The following ZC3H4 variants were observed in gnomAD, a reference collection of about 807,000 sequenced individuals.
The protein encoded by ZC3H4 is zinc finger CCCH domain-containing protein 4.
A neutral mutation model predicts 108.3 loss-of-function variants in ZC3H4; 13 were observed. That is an observed-to-expected ratio of 0.12 (90% CI 0.08 to 0.19). The LOEUF is 0.19. Ranked by LOEUF, ZC3H4 falls within the 10% of genes least tolerant of loss-of-function variation. ZC3H4 has a pLI of 1.00. For synonymous variants in ZC3H4, 917 were observed against 749.6 expected (o/e 1.22, Z -3.65); for missense variants, 1,734 against 1,838.8 (o/e 0.94, Z 1.04).
chr19:47,098,483 T>G (rs2057857476), intron 2 of ZC3H4, among the ~76,000 whole-genome samples: 1 of 82,710 alleles, frequency 1.2e-5, no homozygotes, highest in African/African-American at 3.7e-5. Context: ...TGAAACTGTG[T>G]CTCAAAAAAA....
chr19:47,098,341 T>C (rs1451077814), intron 2 of ZC3H4, among the ~76,000 whole-genome samples: 2 of 151,958 alleles, frequency 1.3e-5, no homozygotes, highest in African/African-American at 4.8e-5. Flanking sequence ...AATACAAAAA[T>C]TAGCTGGGCG....
chr19:47,067,152 T>A lies in ZC3H4; in HGVS notation c.3116A>T (p.Asn1039Ile). The A allele has an allele frequency of 6.2e-7, 1 of 1,611,592 alleles. No homozygotes were observed. The highest frequency in any genetic ancestry group is 8.5e-7 in the Non-Finnish European group (1 of 1,178,806). Residue 1039 changes from asparagine (N) to isoleucine (I), a missense_variant, in exon 15 of 15, where the codon AAC becomes ATC. Physicochemically the swap from Asn to Ile is moderately radical, Grantham distance 149. This residue lies in a region of ZC3H4 where 518 missense variants were observed against 499.6 expected (regional missense o/e 1.04). Transcript: ENST00000253048. The surrounding 1 kb of genome is among the most constrained non-coding windows in gnomAD (Gnocchi z 6.4). ...AGACAGAAGTTCAAAGTCGGGGAGG[T>A]TGGCGCCCTGTGTGCTGGAATCCGT... is the stretch of plus-strand genomic sequence containing the variant. ...ASTDSSTQGA[N>I]LPDFELLSRI...
chr19:47,086,315 A>G (rs2057621611), intron 6 of ZC3H4, 69 bp downstream of exon 6: 4 of 1,591,896 alleles, frequency 2.5e-6, no homozygotes, highest in African/African-American at 1.4e-5. Context: ...AGCCTCTACC[A>G]GCAGTGCTCA....
chr19:47,067,878 G>T lies in ZC3H4; in HGVS notation c.2399-9C>A. The T allele has an allele frequency of 6.3e-7, 1 of 1,577,938 alleles. No homozygotes were observed. Reference sequence around the variant, plus strand: ...CCAGTTTCCGGTGTCACCTGGGAAAGAACAGAGGAGCAGGGAGGGGTGAGT... The same window carrying T: ...CCAGTTTCCGGTGTCACCTGGGAAATAACAGAGGAGCAGGGAGGGGTGAGT... On this transcript the variant is annotated splice_polypyrimidine_tract_variant and intron_variant, in intron 14 of 14. Coordinates refer to ENST00000253048, the MANE Select transcript of ZC3H4 (RefSeq NM_015168.2). The surrounding 1 kb of genome is among the most constrained non-coding windows in gnomAD (Gnocchi z 6.4).
chr19:47,085,982 G>C (rs2057614209), intron 6 of ZC3H4, among the ~76,000 whole-genome samples: 1 of 152,046 alleles, frequency 6.6e-6, no homozygotes, highest in African/African-American at 2.4e-5. Flanking sequence ...TCCTGCCTCA[G>C]ACTCCTGCAT....
chr19:47,069,214 G>T lies in ZC3H4; in HGVS notation c.2276C>A (p.Pro759His). The change falls in exon 14 of 15, where the codon CCT (proline) becomes CAT (histidine). Residue 759 changes from proline to histidine, a missense_variant. Pro to His is a moderately conservative substitution (Grantham distance 77). Coordinates refer to ENST00000253048, the MANE Select transcript of ZC3H4 (RefSeq NM_015168.2). ...PGRPKPGAGV[P>H]DFLPSAQRAL... ...CCTCTGGGCTGAGGGCAGGAAGTCA[G>T]GGACACCGGCGCCTGGCTTCGGCCG... 6.2e-7 allele frequency: 1 copy of T among 1,612,808 alleles called. No homozygotes were observed.
chr19:47,066,475 T>C lies in ZC3H4; in HGVS notation c.3793A>G (p.Thr1265Ala). The C allele has an allele frequency of 6.3e-7, 1 of 1,582,328 alleles. No homozygotes were observed. Among genetic ancestry groups the C allele is most frequent in the South Asian group, 1.2e-5 (1 of 85,758 alleles). The stretch of plus-strand genomic sequence containing the variant: ...CCAGCAAATGGGCTTCCTGAGCCCG[T>C]CTTGGGTGTCTGCTTCACCGTCCCG... ...LFGTVKQTPK[T>A]GSGSPFAGNS... Residue 1265 changes from threonine (T) to alanine (A), a missense_variant, in exon 15 of 15, where the codon ACG (threonine) becomes GCG (alanine). Physicochemically the swap from Thr to Ala is moderately conservative, Grantham distance 58 (BLOSUM62 0). This residue lies in a region of ZC3H4 where 518 missense variants were observed against 499.6 expected (regional missense o/e 1.04). Transcript: ENST00000253048.
chr19:47,106,378 G>A (rs540307723), intron 2 of ZC3H4, among the ~76,000 whole-genome samples: 5 of 152,264 alleles, frequency 3.3e-5, no homozygotes, highest in East Asian at 1.9e-4. Context: ...CCAAGAGTTC[G>A]AGGCTGCAGT....
rs2057167709 is a variant in ZC3H4 at position 47,064,283 on chromosome 19, G to A, written c.*2073C>T. 6.6e-6 allele frequency: 1 copy of A among 152,574 alleles called. No individual in the cohort carries two copies. The highest frequency in any genetic ancestry group is 1.5e-5 in the Non-Finnish European group (1 of 68,040). The allele number at this position is 152,574 out of a possible 1,614,324, so 9.5% of individuals were successfully genotyped here. On this transcript the variant is annotated 3_prime_UTR_variant, in exon 15 of 15. Coordinates refer to ENST00000253048, the MANE Select transcript of ZC3H4 (RefSeq NM_015168.2). ...GGTGACGTTTCTGGAAGACAGATAT[G>A]GAGTATAAAAAGGGTGTGAAATAGT...
rs200339147 is a variant in ZC3H4 at position 47,067,183 on chromosome 19, C to A, written c.3085G>T (p.Ala1029Ser). 8 of 1,610,812 alleles carry A rather than the reference C, an allele frequency of 5.0e-6. No individual in the cohort carries two copies. In the Admixed American group the frequency reaches 1.3e-4, roughly 27 times the overall value. ...CCCTGTGTGCTGGAATCCGTGGAGGCGCCCGGGCGCTGCCGGGCGTTGGGG... is the reference window on the plus strand; with the variant it reads ...CCCTGTGTGCTGGAATCCGTGGAGGAGCCCGGGCGCTGCCGGGCGTTGGGG... Reference protein sequence around the residue: ...GPPNARQRPGASTDSSTQGAN... With the variant: ...GPPNARQRPGSSTDSSTQGAN... The change falls in exon 15 of 15, where the codon GCC (alanine) becomes TCC (serine). Residue 1029 changes from alanine to serine, a missense_variant. Physicochemically the swap from Ala to Ser is moderately conservative, Grantham distance 99 (BLOSUM62 1). This residue lies in a region of ZC3H4 where 518 missense variants were observed against 499.6 expected (regional missense o/e 1.04). Coordinates refer to ENST00000253048, the MANE Select transcript of ZC3H4 (RefSeq NM_015168.2). The surrounding 1 kb of genome is among the most constrained non-coding windows in gnomAD (Gnocchi z 6.4).
chr19:47,107,562 GGC>G (rs1320424983), intron 2 of ZC3H4, among the ~76,000 whole-genome samples: 1 of 151,344 alleles, frequency 6.6e-6, no homozygotes, highest in African/African-American at 2.4e-5. Flanking sequence ...GATGCGAAAT[GGC>G]AAAAAAAATA....
intron 6 of ZC3H4, among the ~76,000 whole-genome samples, chr19:47,085,737 T>A (rs886433958): frequency 6.6e-5 from 10 of 152,170 alleles, no homozygotes; most frequent in African/African-American, 2.4e-4. Context: ...GCAGTGCACC[T>A]GCCGCTCCTC....
chr19:47,086,255 A>T, intron 6 of ZC3H4, 129 bp downstream of exon 6: 1 of 1,052,416 alleles, frequency 9.5e-7, no homozygotes, highest in Non-Finnish European at 1.4e-6. Flanking sequence ...CTGCGCTCTG[A>T]GGCTTCCCTT....
chr19:47,066,993 G>A lies in ZC3H4; in HGVS notation c.3275C>T (p.Ser1092Phe). ...AGCAGGGCCGGGCTTGGCAGCCCGG[G>A]AGGAGGCCGTAGAGTCTGTGGGTTT... ...LQKPTDSTAS[S>F]RAAKPGPAEA... The change falls in exon 15 of 15, where the codon TCC becomes TTC. Residue 1092 changes from serine (S) to phenylalanine (F), a missense_variant. Around this residue, in one of 9 missense-constraint regions of ZC3H4, gnomAD observed 518 missense variants for 499.6 expected, o/e 1.04. Coordinates refer to ENST00000253048, the MANE Select transcript of ZC3H4 (RefSeq NM_015168.2). The A allele has an allele frequency of 2.5e-6, 4 of 1,589,838 alleles. No homozygotes were observed. The highest frequency in any genetic ancestry group is 2.6e-6 in the Non-Finnish European group (3 of 1,168,038).
chr19:47,100,125 G>A (rs1048834181), intron 2 of ZC3H4, among the ~76,000 whole-genome samples: 2 of 152,174 alleles, frequency 1.3e-5, no homozygotes, highest in Non-Finnish European at 2.9e-5. Context: ...CGGACTAGTC[G>A]TTTATTAGGA....
chr19:47,087,882 T>A (rs1186529850), intron 5 of ZC3H4, among the ~76,000 whole-genome samples: 1 of 145,856 alleles, frequency 6.9e-6, no homozygotes, highest in Non-Finnish European at 1.5e-5. Flanking sequence ...TCAAAAAAAA[T>A]AAATAAATAG....
Position 47,066,757 on chromosome 19 carries a change from G to C in ZC3H4, c.3511C>G (p.Pro1171Ala). ...TEPAADTGAQ[P>A]KGAEGNGKSS... ...TTGCCATTGCCCTCAGCACCCTTGG[G>C]CTGGGCACCCGTGTCAGCAGCCGGC... The change falls in exon 15 of 15, where the codon CCC (proline) becomes GCC (alanine). Residue 1171 changes from proline to alanine, a missense_variant. Around this residue, in one of 9 missense-constraint regions of ZC3H4, gnomAD observed 518 missense variants for 499.6 expected, o/e 1.04. Transcript: ENST00000253048. 6.2e-7 allele frequency: 1 copy of C among 1,604,210 alleles called. No individual in the cohort carries two copies. Among genetic ancestry groups the C allele is most frequent in the Non-Finnish European group, 8.5e-7 (1 of 1,178,348 alleles).
At chr19:47,078,085 A>G (rs2122789246) in intron 11 of ZC3H4, among the ~76,000 whole-genome samples, 1 of 152,290 alleles carries the variant, frequency 6.6e-6, no homozygotes, top group South Asian at 2.1e-4. Context: ...GAGATCAAAT[A>G]TAATCCCAAT....
chr19:47,107,670 A>G (rs531708585), intron 2 of ZC3H4, among the ~76,000 whole-genome samples: 2 of 152,272 alleles, frequency 1.3e-5, no homozygotes, highest in South Asian at 4.1e-4. Context: ...AAAAAAAAAA[A>G]AAAAGTAACA....
Sources: allele counts gnomAD v4.1 joint callset (sites outside exome capture counted in the v4.1 genomes callset), GRCh38; gene constraint gnomAD v4.1.1; regional missense constraint gnomAD v4.1.1; non-coding constraint Gnocchi (gnomAD v3.1); transcripts MANE v1.5; gene names NCBI Gene and HGNC (gene_info 2026-07-23, HGNC 2026-07-21).